The following CPSF3 variants were observed in gnomAD, a reference collection of about 807,000 sequenced individuals.
CPSF3 encodes cleavage and polyadenylation specificity factor subunit 3.
Under a neutral mutation model 84.1 loss-of-function variants are expected in CPSF3, and 57 were observed. The observed-to-expected ratio is 0.68, with a 90% CI of 0.55 to 0.85. The LOEUF (loss-of-function observed/expected upper bound fraction) is 0.85, where lower values mean the gene tolerates loss of function less well. Among genes scored for constraint, CPSF3 ranks in the 40% least tolerant of loss-of-function variants. CPSF3 has a pLI of 0.00. For synonymous variants in CPSF3, 275 were observed against 278.1 expected, an observed-to-expected ratio of 0.99 and a Z score of 0.11; for missense variants, 522 against 838.8, an observed-to-expected ratio of 0.62 and a Z score of 4.66.
At chr2:9,443,757 C>A in intron 10 of CPSF3, 96 bp downstream of exon 10, 1 of 1,335,910 alleles carries the variant, frequency 7.5e-7, no homozygotes, top group Non-Finnish European at 1.0e-6. Flanking sequence ...GCATCATCAC[C>A]TACTAATGCG....
intron 15 of CPSF3, among the ~76,000 whole-genome samples, chr2:9,462,585 G>C (rs1681766850): frequency 6.6e-6 from 1 of 152,198 alleles, no homozygotes; most frequent in Non-Finnish European, 1.5e-5. Context: ...TGGTATGACA[G>C]ATAATCTCCA....
chr2:9,458,969 A>C (rs796797546), intron 14 of CPSF3, among the ~76,000 whole-genome samples: 14 of 152,096 alleles, frequency 9.2e-5, no homozygotes, highest in African/African-American at 3.4e-4. Context: ...AAAATTAGCC[A>C]GGCGTGGTGG....
chr2:9,465,981 G>GAATTC (rs1681893974), intron 15 of CPSF3, among the ~76,000 whole-genome samples: 1 of 152,074 alleles, frequency 6.6e-6, no homozygotes, highest in African/African-American at 2.4e-5. Context: ...ATAAAGTGTA[G>GAATTC]AATTCAATGA....
intron 15 of CPSF3, among the ~76,000 whole-genome samples, chr2:9,466,372 C>A (rs13409299): frequency 0.041 from 5,503 of 133,362 alleles, 334 homozygotes; most frequent in African/African-American, 0.14. Context: ...ACGCACACAC[C>A]CACGCACTCG....
intron 7 of CPSF3, among the ~76,000 whole-genome samples, chr2:9,439,106 C>G (rs1360076019): frequency 2.6e-5 from 4 of 152,038 alleles, no homozygotes; most frequent in Non-Finnish European, 5.9e-5. Context: ...GAAGACAAAG[C>G]AGGAAATTTG....
chr2:9,441,677 C>T (rs538933653), intron 8 of CPSF3, 141 bp from the exon 9 acceptor site: 2 of 863,170 alleles, frequency 2.3e-6, no homozygotes, highest in South Asian at 3.7e-5. Context: ...GGCAACTGAA[C>T]TTAAAATGTT....
intron 15 of CPSF3, among the ~76,000 whole-genome samples, chr2:9,467,413 A>G (rs1315245437): frequency 3.3e-5 from 5 of 152,244 alleles, no homozygotes; most frequent in Non-Finnish European, 5.9e-5. Context: ...AAAACTAAAA[A>G]TAATATTAAG....
At chr2:9,468,758 G>A (rs144461978) in intron 16 of CPSF3, among the ~76,000 whole-genome samples, 450 of 151,212 alleles carry the variant, frequency 3.0e-3, no homozygotes, top group Middle Eastern at 0.014. Flanking sequence ...TCCCGAGCAA[G>A]TGGGACTATA....
chr2:9,466,243 C>T (rs1223502478), intron 15 of CPSF3, among the ~76,000 whole-genome samples: 7 of 138,230 alleles, frequency 5.1e-5, no homozygotes, highest in South Asian at 4.5e-4. Context: ...CGTGCGCGCA[C>T]GCACGCGCAC....
At chr2:9,466,240 G>C (rs572253490) in intron 15 of CPSF3, among the ~76,000 whole-genome samples, 1 of 126,588 alleles carries the variant, frequency 7.9e-6, no homozygotes. Context: ...ACACGTGCGC[G>C]CACGCACGCG....
chr2:9,439,300 C>A (rs933599697), intron 7 of CPSF3, among the ~76,000 whole-genome samples: 4 of 151,788 alleles, frequency 2.6e-5, no homozygotes. Flanking sequence ...GGTGAAACCC[C>A]GTCTGTACTA....
chr2:9,447,501 G>A (rs1681166325), intron 10 of CPSF3, among the ~76,000 whole-genome samples: 1 of 150,908 alleles, frequency 6.6e-6, no homozygotes, highest in African/African-American at 2.4e-5. Flanking sequence ...AATATATGAG[G>A]TAGGCCAGGC....
At chr2:9,433,990 A>G (rs755711100) in intron 6 of CPSF3, 30 bp downstream of exon 6, 9 of 1,276,692 alleles carry the variant, frequency 7.0e-6, no homozygotes, top group Non-Finnish European at 1.0e-5. Flanking sequence ...ATTGTAATCA[A>G]TGTAATGTAA....
chr2:9,462,428 A>G (rs1159794348), intron 15 of CPSF3, among the ~76,000 whole-genome samples: 2 of 152,178 alleles, frequency 1.3e-5, no homozygotes, highest in East Asian at 3.9e-4. Flanking sequence ...GTGTGACTAC[A>G]AGGTCTTTGG....
At chr2:9,454,521 T>TTAGTGAGC (rs1226549856) in intron 12 of CPSF3, among the ~76,000 whole-genome samples, 1 of 150,940 alleles carries the variant, frequency 6.6e-6, no homozygotes, top group Non-Finnish European at 1.5e-5. Flanking sequence ...TCATTCTGAG[T>TTAGTGAGC]TAGTGAGCTC....
intron 15 of CPSF3, among the ~76,000 whole-genome samples, chr2:9,464,354 A>G (rs1233132613): frequency 6.6e-6 from 1 of 152,008 alleles, no homozygotes; most frequent in African/African-American, 2.4e-5. Context: ...GCAAATATAT[A>G]TATACATATA....
intron 11 of CPSF3, among the ~76,000 whole-genome samples, chr2:9,450,068 C>T (rs1054325343): frequency 5.9e-5 from 9 of 151,724 alleles, no homozygotes; most frequent in Non-Finnish European, 1.2e-4. Flanking sequence ...GCATTCATGA[C>T]TTACTGCAGC....
At chr2:9,465,429 G>A (rs1217182833) in intron 15 of CPSF3, among the ~76,000 whole-genome samples, 3 of 152,008 alleles carry the variant, frequency 2.0e-5, no homozygotes, top group Non-Finnish European at 4.4e-5. Flanking sequence ...GGGCAACAGA[G>A]CGAGACATTG....
rs369134783 is a variant in CPSF3 at position 9,445,197 on chromosome 2, T to G, written c.1242+1536T>G. Among the ~76,000 whole-genome samples the G allele has an allele frequency of 6.2e-4, 95 of 152,292 alleles. 1 individual carries two copies. Among genetic ancestry groups the G allele is most frequent in the African/African-American group, 2.2e-3 (93 of 41,562 alleles). On this transcript the variant is annotated intron_variant, in intron 10 of 17. Transcript: ENST00000238112. ...CCAACCCTGGTAATCTCAAATCTACTTTCTGTTTCTATGAATTTGACTATT... is the reference window on the plus strand; with the variant it reads ...CCAACCCTGGTAATCTCAAATCTACGTTCTGTTTCTATGAATTTGACTATT...
Sources: allele counts gnomAD v4.1 joint callset (sites outside exome capture counted in the v4.1 genomes callset), GRCh38; gene constraint gnomAD v4.1.1; transcripts MANE v1.5; gene names NCBI Gene and HGNC (gene_info 2026-07-23, HGNC 2026-07-21).